The following GRIN2A variants were observed in gnomAD, a reference collection of about 807,000 sequenced individuals.
GRIN2A encodes the protein glutamate receptor ionotropic, NMDA 2A.
GRIN2A carries 22 observed loss-of-function variants against 113.4 expected under a neutral mutation model. That is an observed-to-expected ratio of 0.19 (90% CI 0.14 to 0.28). GRIN2A has a LOEUF of 0.28. Ranked by LOEUF, GRIN2A falls within the 10% of genes least tolerant of loss-of-function variation. The pLI is 1.00. For synonymous variants in GRIN2A, 827 were observed against 738.4 expected (o/e 1.12, Z -1.94); for missense variants, 1,502 against 1,887.0 (o/e 0.80, Z 3.78).
intron 2 of GRIN2A, among the ~76,000 whole-genome samples, chr16:10,124,494 A>T (rs1157337458): frequency 6.6e-6 from 1 of 152,160 alleles, no homozygotes; most frequent in Non-Finnish European, 1.5e-5. Context: ...TTATCCGGGC[A>T]AGCGGAAAAG....
intron 2 of GRIN2A, among the ~76,000 whole-genome samples, chr16:10,121,764 C>T (rs944169078): frequency 1.3e-5 from 2 of 152,084 alleles, no homozygotes; most frequent in Non-Finnish European, 2.9e-5. Flanking sequence ...TACAGGCAAT[C>T]ATGTAGAGAA....
intron 2 of GRIN2A, among the ~76,000 whole-genome samples, chr16:10,120,536 T>G (rs555348273): frequency 6.6e-6 from 1 of 152,218 alleles, no homozygotes; most frequent in South Asian, 2.1e-4. Context: ...GGGGAGGCCC[T>G]AGAATTTTAC....
In GRIN2A at chr16:10,039,178, C is replaced by T. The variant is rs12448822; in HGVS notation, c.415-100627G>A. ...GTCTGTTGATCAACTAGATGATAGA[C>T]AGTGAGTGGAAAAGAAAGGCAGAGG... On this transcript the variant is annotated intron_variant, in intron 2 of 12. Coordinates refer to ENST00000330684, the MANE Select transcript of GRIN2A (RefSeq NM_001134407.3). 5.3e-5 allele frequency among the ~76,000 whole-genome samples: 8 copies of T among 151,852 alleles called. No individual in the cohort carries two copies. In the East Asian group the frequency reaches 1.2e-3, roughly 22 times the overall value.
chr16:9,879,120 G>C (rs1352339234), intron 4 of GRIN2A, among the ~76,000 whole-genome samples: 4 of 151,988 alleles, frequency 2.6e-5, no homozygotes. Context: ...TTTTATAATG[G>C]CTCAATTTTC....
chr16:9,996,707 A>G (rs1304747988), intron 2 of GRIN2A, among the ~76,000 whole-genome samples: 2 of 152,194 alleles, frequency 1.3e-5, no homozygotes, highest in African/African-American at 4.8e-5. Context: ...AAGCTCCACC[A>G]ATGGGAAGAG....
chr16:9,832,118 AT>A (rs1325193252), intron 8 of GRIN2A, among the ~76,000 whole-genome samples: 1 of 148,684 alleles, frequency 6.7e-6, no homozygotes, highest in East Asian at 2.0e-4. Context: ...TTATTTATTT[AT>A]TTATTTATTT....
intron 10 of GRIN2A, among the ~76,000 whole-genome samples, chr16:9,821,049 T>C (rs2042273912): frequency 6.6e-6 from 1 of 152,074 alleles, no homozygotes; most frequent in African/African-American, 2.4e-5. Flanking sequence ...ATCTGGGCTT[T>C]GATGCTTTAG....
intron 4 of GRIN2A, among the ~76,000 whole-genome samples, chr16:9,868,793 C>G (rs1425042532): frequency 6.6e-6 from 1 of 152,210 alleles, no homozygotes; most frequent in African/African-American, 2.4e-5. Flanking sequence ...ATGAATCACA[C>G]AGAACTAATC....
chr16:10,030,188 T>TAA (rs34852837), intron 2 of GRIN2A, among the ~76,000 whole-genome samples: 78 of 151,162 alleles, frequency 5.2e-4, no homozygotes, highest in Admixed American at 9.9e-4. Flanking sequence ...GGTGATTTTT[T>TAA]AAAAAAAAAT....
At chr16:9,951,989 G>A (rs994812308) in intron 2 of GRIN2A, among the ~76,000 whole-genome samples, 2 of 152,102 alleles carry the variant, frequency 1.3e-5, no homozygotes, top group Non-Finnish European at 2.9e-5. Flanking sequence ...TGACCTCCCA[G>A]CCCCCAACGA....
In GRIN2A at chr16:9,757,358, C is replaced by A; in HGVS notation, c.*5791G>T. On this transcript the variant is annotated 3_prime_UTR_variant, in exon 13 of 13. Transcript: ENST00000330684. The stretch of plus-strand genomic sequence containing the variant: ...AGTTACTTAAAGGTTTAGGGAAGGA[C>A]TTTTTTTTTTTTTTTAAAAAAGGTA... 5.1e-6 allele frequency: 1 copy of A among 194,844 alleles called. No homozygotes were observed. Among genetic ancestry groups the A allele is most frequent in the Non-Finnish European group, 1.0e-5 (1 of 98,410 alleles). The allele number at this position is 194,844 out of a possible 1,614,324, so 12.1% of individuals were successfully genotyped here.
rs952897018 is a variant in GRIN2A at position 10,110,038 on chromosome 16, C to T, written c.414+69960G>A. On this transcript the variant is annotated intron_variant, in intron 2 of 12. Coordinates refer to ENST00000330684, the MANE Select transcript of GRIN2A (RefSeq NM_001134407.3). ...CTAGCATTAGCTATATCTCCTAATG[C>T]TATCCCTCCCCCATCCCCCCACCCC... is the stretch of plus-strand genomic sequence containing the variant. Among the ~76,000 whole-genome samples the T allele has an allele frequency of 6.6e-5, 10 of 152,220 alleles. No individual in the cohort carries two copies. In the South Asian group the frequency reaches 2.1e-3, roughly 32 times the overall value.
intron 2 of GRIN2A, among the ~76,000 whole-genome samples, chr16:9,941,090 C>T (rs1421492098): frequency 6.6e-6 from 1 of 152,218 alleles, no homozygotes; most frequent in African/African-American, 2.4e-5. Context: ...GGTGGTGGAT[C>T]AGCATCTTGC....
chr16:10,120,637 C>A (rs923467951), intron 2 of GRIN2A, among the ~76,000 whole-genome samples: 1 of 152,044 alleles, frequency 6.6e-6, no homozygotes, highest in Non-Finnish European at 1.5e-5. Flanking sequence ...GGTAAGCAGA[C>A]CAGAAAGAGA....
intron 9 of GRIN2A, 102 bp downstream of exon 9, chr16:9,829,321 C>T (rs187193193): frequency 9.4e-6 from 7 of 744,524 alleles, no homozygotes; most frequent in South Asian, 1.6e-5. Context: ...TTTGTGCATT[C>T]GAGTTGATGG....
chr16:10,073,469 T>C (rs2047801324), intron 2 of GRIN2A, among the ~76,000 whole-genome samples: 1 of 152,098 alleles, frequency 6.6e-6, no homozygotes, highest in South Asian at 2.1e-4. Flanking sequence ...CCTGGCTCAA[T>C]GGAATCACTT....
At chr16:9,893,492 A>T (rs2043739367) in intron 3 of GRIN2A, among the ~76,000 whole-genome samples, 1 of 152,028 alleles carries the variant, frequency 6.6e-6, no homozygotes, top group East Asian at 1.9e-4. Context: ...TTTAAGACGG[A>T]GTCTCACTCT....
chr16:10,101,760 G>C (rs2048402486), intron 2 of GRIN2A, among the ~76,000 whole-genome samples: 1 of 152,214 alleles, frequency 6.6e-6, no homozygotes, highest in Admixed American at 6.5e-5. Flanking sequence ...AGTAGAGGGA[G>C]ACAAGAGAAA....
At chr16:9,892,376 A>T (rs1484374688) in intron 3 of GRIN2A, among the ~76,000 whole-genome samples, 1 of 152,200 alleles carries the variant, frequency 6.6e-6, no homozygotes, top group Non-Finnish European at 1.5e-5. Context: ...TACTTATGCT[A>T]TTCTTACAAA....
Sources: gnomAD v4.1 joint callset for allele counts (sites outside exome capture counted in the v4.1 genomes callset) on GRCh38, gnomAD v4.1.1 for gene constraint, MANE v1.5 for transcripts, NCBI Gene and HGNC (gene_info 2026-07-23, HGNC 2026-07-21) for gene names.